The following ELF4 variants were observed in gnomAD, a reference collection of about 807,000 sequenced individuals.
ELF4 encodes the protein ETS-related transcription factor Elf-4.
In ELF4, 10 loss-of-function variants were observed where a neutral mutation model predicts 31.7. The ratio of observed to expected loss-of-function variants is 0.32; its 90% CI spans 0.19 to 0.54. ELF4 has a LOEUF of 0.54. Among genes scored for constraint, ELF4 ranks in the 20% least tolerant of loss-of-function variants. The pLI, the probability that ELF4 is intolerant of heterozygous loss-of-function variation, is 0.95. For synonymous variants in ELF4, 208 were observed against 226.7 expected (o/e 0.92, Z 0.74); for missense variants, 418 against 522.0 (o/e 0.80, Z 1.94).
chrX:130,094,360 G>C (rs1212836404), intron 1 of ELF4, among the ~76,000 whole-genome samples: 6 of 109,241 alleles, frequency 5.5e-5, no homozygotes, highest in Non-Finnish European at 7.6e-5. Context: ...CTCCAGCCTG[G>C]GTGACAGAGT....
rs1473619829 is a variant in ELF4 at position 130,078,343 on chromosome X, C to T, written c.75+2913G>A. Among the ~76,000 whole-genome samples, 3 of 82,092 alleles carry T rather than the reference C, an allele frequency of 3.7e-5. No homozygotes were observed. In the Admixed American group the frequency reaches 4.1e-4, roughly 11 times the overall value. 71.3% of individuals were successfully genotyped at this position (82,092 alleles called of 115,157 possible). Reference sequence around the variant, plus strand: ...TTACAGGTGTGAGCCACCAGCCTGACCGGCTCACACCTATTGTAATCCCAG... The same window carrying T: ...TTACAGGTGTGAGCCACCAGCCTGATCGGCTCACACCTATTGTAATCCCAG... On this transcript the variant is annotated intron_variant, in intron 2 of 8. Coordinates refer to ENST00000308167, the MANE Select transcript of ELF4 (RefSeq NM_001421.4).
chrX:130,070,301 C>T (rs1032705531), intron 7 of ELF4, among the ~76,000 whole-genome samples: 48 of 110,135 alleles, frequency 4.4e-4, no homozygotes, highest in African/African-American at 1.5e-3. Context: ...GGCCAGGCGC[C>T]GTGACTCACG....
At chrX:130,081,057 G>C (rs189082332) in intron 2 of ELF4, among the ~76,000 whole-genome samples, 199 bp downstream of exon 2, 1 of 112,946 alleles carries the variant, frequency 8.9e-6, no homozygotes, top group Admixed American at 9.3e-5. Flanking sequence ...GGTGACTCCA[G>C]ACCAGCCTCA....
At chrX:130,110,064 C>T (rs1267091931) in intron 1 of ELF4, among the ~76,000 whole-genome samples, 2 of 111,795 alleles carry the variant, frequency 1.8e-5, no homozygotes, top group Non-Finnish European at 1.9e-5. Flanking sequence ...CCCAGGCTGC[C>T]GGGGGCGAGG....
rs1182292980 is a variant in ELF4 at position 130,066,862 on chromosome X, G to C, written c.1851C>G (p.Leu617=). 8.3e-7 allele frequency: 1 copy of C among 1,211,765 alleles called. No individual in the cohort carries two copies. The highest frequency in any genetic ancestry group is 1.1e-6 in the Non-Finnish European group (1 of 895,291). The change falls in exon 9 of 9, where the codon CTC becomes CTG. Residue 617 remains leucine, a synonymous_variant. Transcript: ENST00000308167. The stretch of plus-strand genomic sequence containing the variant: ...TCAGCAGGGACCCTGAGCCTGAGGA[G>C]AGCTCAAGTTCAGCCACTGGGGTCA... ...VGLTPVAELE[L]SSGSGSLLMA...
At chrX:130,100,139 G>A (rs1933224258) in intron 1 of ELF4, among the ~76,000 whole-genome samples, 1 of 111,640 alleles carries the variant, frequency 9.0e-6, no homozygotes, top group Non-Finnish European at 1.9e-5. Flanking sequence ...GGTTCTGTTA[G>A]GAAGCTATAT....
intron 2 of ELF4, 103 bp downstream of exon 2, chrX:130,081,153 G>T: frequency 1.1e-6 from 1 of 943,615 alleles, no homozygotes; most frequent in Non-Finnish European, 1.5e-6. Context: ...TTTGCTGATT[G>T]GCTAGCTGTG....
At position 130,063,972 on chromosome X, in the gene ELF4, T is replaced by TTTTTTA. The variant is rs1389344473; in HGVS notation, c.*2748_*2749insTAAAAA. Among the ~76,000 whole-genome samples the TTTTTTA allele has an allele frequency of 5.4e-5, 5 of 93,315 alleles. No individual in the cohort carries two copies. Among genetic ancestry groups the TTTTTTA allele is most frequent in the Admixed American group, 3.7e-4 (3 of 8,106 alleles). The allele number at this position is 93,315 out of a possible 115,157, so 81.0% of individuals were successfully genotyped here. Reference sequence around the variant, plus strand: ...TGACGGCCTTTTTGTTTGCTTGATTTTTATTATTATTATTATTATTATTAT... The same window carrying TTTTTTA: ...TGACGGCCTTTTTGTTTGCTTGATTTTTTTTATTATTATTATTATTATTATTATTAT... On this transcript the variant is annotated 3_prime_UTR_variant, in exon 9 of 9. Coordinates refer to ENST00000308167, the MANE Select transcript of ELF4 (RefSeq NM_001421.4).
chrX:130,110,582 C>T (rs1324584490), upstream of ELF4: 1 of 110,054 alleles, frequency 9.1e-6, no homozygotes, highest in Non-Finnish European at 1.9e-5. Flanking sequence ...CCTTCTTCCC[C>T]GCCCGCCTGC....
chrX:130,099,277 C>T (rs922861094), intron 1 of ELF4, among the ~76,000 whole-genome samples: 5 of 112,158 alleles, frequency 4.5e-5, no homozygotes, highest in Non-Finnish European at 7.5e-5. Context: ...TTCCCTCTAT[C>T]GAAATGTTCA....
rs1040702593 is a variant in ELF4, at chrX:130,072,165, G to GC, written c.532+60dup. The GC allele has an allele frequency of 6.1e-3, 6,602 of 1,087,732 alleles. 1 individual carries two copies. The highest frequency in any genetic ancestry group is 7.5e-3 in the Non-Finnish European group (5,910 of 790,159). 89.6% of individuals were successfully genotyped at this position (1,087,732 alleles called of 1,213,427 possible). ...CTTAACACATCCATGAGCCCTGACCGCCCCCCCACGCCCCGCCCATCCCCT... is the reference window on the plus strand; with the variant it reads ...CTTAACACATCCATGAGCCCTGACCGCCCCCCCCACGCCCCGCCCATCCCCT... On this transcript the variant is annotated intron_variant, in intron 5 of 8. Transcript: ENST00000308167.
At chrX:130,085,425 C>T (rs942483280) in intron 1 of ELF4, among the ~76,000 whole-genome samples, 1 of 111,742 alleles carries the variant, frequency 8.9e-6, no homozygotes, top group African/African-American at 3.3e-5. Flanking sequence ...ACAACTCGGC[C>T]CCCTTTAGAT....
intron 1 of ELF4, among the ~76,000 whole-genome samples, chrX:130,082,570 C>T (rs959128496): frequency 6.3e-5 from 7 of 111,545 alleles, no homozygotes; most frequent in African/African-American, 2.3e-4. Flanking sequence ...CCTCTCGCCC[C>T]ACGTGCCCTC....
At position 130,064,455 on chromosome X, in the gene ELF4, A is replaced by G. The variant is rs781518164; in HGVS notation, c.*2266T>C. ...CTCAAAAACAAACGAACAAACAAAA[A>G]CATTGTTGATAGAGGGGCTATCTTT... is the stretch of plus-strand genomic sequence containing the variant. On this transcript the variant is annotated 3_prime_UTR_variant, in exon 9 of 9. Coordinates refer to ENST00000308167, the MANE Select transcript of ELF4 (RefSeq NM_001421.4). 1.8e-5 allele frequency among the ~76,000 whole-genome samples: 2 copies of G among 112,235 alleles called. No individual in the cohort carries two copies. The highest frequency in any genetic ancestry group is 7.5e-4 in the South Asian group (2 of 2,682).
chrX:130,100,506 T>G (rs1289737117), intron 1 of ELF4, among the ~76,000 whole-genome samples: 1 of 111,878 alleles, frequency 8.9e-6, no homozygotes, highest in Non-Finnish European at 1.9e-5. Flanking sequence ...TGAGGGAACA[T>G]TCCAGGCTCA....
Position 130,081,246 on chromosome X carries a change from G to A in ELF4, c.75+10C>T. 1 of 1,211,370 alleles carries A rather than the reference G, an allele frequency of 8.3e-7. No homozygotes were observed. The highest frequency in any genetic ancestry group is 1.1e-6 in the Non-Finnish European group (1 of 894,945). On this transcript the variant is annotated intron_variant, in intron 2 of 8. Coordinates refer to ENST00000308167, the MANE Select transcript of ELF4 (RefSeq NM_001421.4). ...AGGGGCTAACTGTGCTCTGTTCTCT[G>A]GGGCCATACCTGGTGGATATCATCA...
intron 1 of ELF4, among the ~76,000 whole-genome samples, chrX:130,102,869 AG>A (rs1333234904): frequency 1.2e-3 from 89 of 73,329 alleles, no homozygotes; most frequent in African/African-American, 5.6e-3. Flanking sequence ...AGAGAGAGAG[AG>A]AGAGAGAGAG....
At chrX:130,100,974 C>G (rs1294595082) in intron 1 of ELF4, among the ~76,000 whole-genome samples, 10 of 112,427 alleles carry the variant, frequency 8.9e-5, no homozygotes, top group South Asian at 3.7e-4. Context: ...TCCAATGTTA[C>G]TTTTCCTCTC....
chrX:130,076,304 C>T (rs925092941), intron 2 of ELF4, among the ~76,000 whole-genome samples: 2 of 110,842 alleles, frequency 1.8e-5, no homozygotes, highest in African/African-American at 3.3e-5. Flanking sequence ...GCAGGTGCAT[C>T]GCTTGAGCCT....
Sources: allele counts gnomAD v4.1 joint callset (sites outside exome capture counted in the v4.1 genomes callset), GRCh38; gene constraint gnomAD v4.1.1; transcripts MANE v1.5; gene names NCBI Gene and HGNC (gene_info 2026-07-23, HGNC 2026-07-21).